Variants in CTNND2 observed in about 807,000 individuals in gnomAD.
CTNND2 encodes catenin delta-2.
Under a neutral mutation model 144.4 loss-of-function variants are expected in CTNND2, and 22 were observed. The observed-to-expected ratio is 0.15, with a 90% CI of 0.11 to 0.22. The LOEUF is 0.22. Ranked by LOEUF, CTNND2 falls within the 10% of genes least tolerant of loss-of-function variation. The pLI is 1.00. For synonymous variants in CTNND2, 751 were observed against 695.6 expected (o/e 1.08, Z -1.25); for missense variants, 1,353 against 1,618.8 (o/e 0.84, Z 2.82).
chr5:11,841,444 T>C (rs1794468077), intron 1 of CTNND2, among the ~76,000 whole-genome samples: 1 of 152,228 alleles, frequency 6.6e-6, no homozygotes, highest in Non-Finnish European at 1.5e-5. Context: ...TGATTAAGTC[T>C]GTAAAAAATG....
rs1443593316 is a variant in CTNND2, at chr5:11,623,115, CATGA to C, written c.175-58063_175-58060del. Among the ~76,000 whole-genome samples, 3 of 152,132 alleles carry C rather than the reference CATGA, an allele frequency of 2.0e-5. No homozygotes were observed. The East Asian group carries it at 5.8e-4, about 29-fold the overall frequency. ...GAAATAGTCCTTCCTCCATGTAGTA[CATGA>C]GACTTTCAGCCTCCAGACAGGCTCT... On this transcript the variant is annotated intron_variant, in intron 2 of 21. Coordinates refer to ENST00000304623, the MANE Select transcript of CTNND2 (RefSeq NM_001332.4).
intron 9 of CTNND2, among the ~76,000 whole-genome samples, chr5:11,246,893 G>C (rs1049494998): frequency 2.6e-5 from 4 of 152,126 alleles, no homozygotes; most frequent in Admixed American, 1.3e-4. Context: ...GAAGGTCACG[G>C]GGTGAAGAGA....
chr5:11,581,519 C>T (rs891193603), intron 2 of CTNND2, among the ~76,000 whole-genome samples: 5 of 152,188 alleles, frequency 3.3e-5, no homozygotes, highest in Admixed American at 1.3e-4. Flanking sequence ...ATGTCATCAA[C>T]ATACACAGAT....
chr5:11,408,872 T>C (rs974535837), intron 5 of CTNND2, among the ~76,000 whole-genome samples: 2 of 152,048 alleles, frequency 1.3e-5, no homozygotes, highest in Non-Finnish European at 2.9e-5. Flanking sequence ...AAAAATATCA[T>C]CTATTTATCC....
At chr5:11,478,794 C>T (rs1225895098) in intron 3 of CTNND2, among the ~76,000 whole-genome samples, 1 of 151,918 alleles carries the variant, frequency 6.6e-6, no homozygotes, top group East Asian at 1.9e-4. Flanking sequence ...AAGGCTTCAC[C>T]CAATCTGGTA....
At chr5:11,085,816 C>T (rs912490029) in intron 15 of CTNND2, among the ~76,000 whole-genome samples, 1 of 152,154 alleles carries the variant, frequency 6.6e-6, no homozygotes, top group Non-Finnish European at 1.5e-5. Flanking sequence ...GACAAGCCCC[C>T]CTCCATGGAT....
chr5:11,419,806 C>G (rs926640920), intron 3 of CTNND2, among the ~76,000 whole-genome samples: 8 of 152,144 alleles, frequency 5.3e-5, no homozygotes, highest in Non-Finnish European at 8.8e-5. Context: ...AGAGATATTC[C>G]ATCTGTTATG....
intron 3 of CTNND2, among the ~76,000 whole-genome samples, chr5:11,512,911 T>C (rs1387857639): frequency 1.3e-5 from 2 of 152,184 alleles, no homozygotes; most frequent in Non-Finnish European, 2.9e-5. Flanking sequence ...CAAGTATACA[T>C]GTTCAAGTTA....
At chr5:11,291,648 A>T (rs1307536265) in intron 9 of CTNND2, among the ~76,000 whole-genome samples, 1 of 152,112 alleles carries the variant, frequency 6.6e-6, no homozygotes, top group Non-Finnish European at 1.5e-5. Flanking sequence ...CTATCTCCCC[A>T]GATTCTCCTG....
rs532930848 is a variant in CTNND2 at position 11,577,482 on chromosome 5, G to A, written c.175-12426C>T. Among the ~76,000 whole-genome samples the A allele has an allele frequency of 4.6e-5, 7 of 152,304 alleles. No individual in the cohort carries two copies. The South Asian group carries it at 1.0e-3, about 23-fold the overall frequency. On this transcript the variant is annotated intron_variant, in intron 2 of 21. Coordinates refer to ENST00000304623, the MANE Select transcript of CTNND2 (RefSeq NM_001332.4). ...AGGGTGTGGGGACAAGGAGGGCAAC[G>A]TCACATGCAGGAACTAGTATTTGAG...
At position 11,071,743 on chromosome 5, in the gene CTNND2, G is replaced by A. The variant is rs79364754; in HGVS notation, c.2788+10953C>T. On this transcript the variant is annotated intron_variant, in intron 16 of 21. Transcript: ENST00000304623. Reference sequence around the variant, plus strand: ...GAGGGCAGGAACCCCCACAGAGTGCGCGTGTGTCCTGGGCTTGTCATGCTA... The same window carrying A: ...GAGGGCAGGAACCCCCACAGAGTGCACGTGTGTCCTGGGCTTGTCATGCTA... Among the ~76,000 whole-genome samples, 533 of 152,178 alleles carry A rather than the reference G, an allele frequency of 3.5e-3. 6 individuals are homozygous for A. The highest frequency in any genetic ancestry group is 0.012 in the African/African-American group (511 of 41,498).
intron 9 of CTNND2, among the ~76,000 whole-genome samples, chr5:11,265,450 T>C (rs1464063299): frequency 1.3e-5 from 2 of 152,144 alleles, no homozygotes; most frequent in Non-Finnish European, 2.9e-5. Context: ...GCCCTTCTTT[T>C]GCAGGATGGT....
At chr5:11,178,762 A>T (rs573170761) in intron 11 of CTNND2, among the ~76,000 whole-genome samples, 11 of 152,214 alleles carry the variant, frequency 7.2e-5, no homozygotes, top group Non-Finnish European at 1.5e-4. Context: ...GGGCACTCAC[A>T]ACATTGAATC....
At chr5:11,476,801 C>A (rs1458308617) in intron 3 of CTNND2, among the ~76,000 whole-genome samples, 1 of 152,152 alleles carries the variant, frequency 6.6e-6, no homozygotes, top group African/African-American at 2.4e-5. Flanking sequence ...AAAAATAATA[C>A]TTGACAGCGG....
intron 1 of CTNND2, among the ~76,000 whole-genome samples, chr5:11,871,388 T>C (rs2127050339): frequency 6.6e-6 from 1 of 152,254 alleles, no homozygotes; most frequent in East Asian, 1.9e-4. Flanking sequence ...ATAAAAACAG[T>C]CCCTGTCTAA....
intron 11 of CTNND2, among the ~76,000 whole-genome samples, chr5:11,174,205 C>G (rs1421740658): frequency 6.6e-6 from 1 of 152,138 alleles, no homozygotes; most frequent in African/African-American, 2.4e-5. Flanking sequence ...AATCAGACAT[C>G]ACTATCAAGA....
intron 1 of CTNND2, among the ~76,000 whole-genome samples, chr5:11,781,702 C>T (rs767439756): frequency 7.2e-5 from 11 of 152,142 alleles, no homozygotes; most frequent in Admixed American, 3.3e-4. Flanking sequence ...CAACTCTGAA[C>T]CAGGTAAAAT....
rs970029579 is a variant in CTNND2 at position 11,155,626 on chromosome 5, C to T, written c.2159+3950G>A. ...CCTTCTGATCACCCACAGCTCTAAC[C>T]CCCGCAACCCCACCTCCCCATGCCG... On this transcript the variant is annotated intron_variant, in intron 12 of 21. Transcript: ENST00000304623. Among the ~76,000 whole-genome samples the T allele has an allele frequency of 8.5e-5, 13 of 152,130 alleles. No individual in the cohort carries two copies. The East Asian group carries it at 2.3e-3, about 27-fold the overall frequency.
rs1365999546 is a variant in CTNND2, at chr5:11,116,852, G to A, written c.2277+598C>T. On this transcript the variant is annotated intron_variant, in intron 13 of 21. Transcript: ENST00000304623. ...GTGGGCGGATCACTTGAGGTCAGGT[G>A]TTTGAGACCAGCCTGGCCAATGTGG... Among the ~76,000 whole-genome samples the A allele has an allele frequency of 2.0e-5, 3 of 152,244 alleles. No individual in the cohort carries two copies. The East Asian group carries it at 5.8e-4, about 29-fold the overall frequency.
Sources: gnomAD v4.1 joint callset for allele counts (sites outside exome capture counted in the v4.1 genomes callset) on GRCh38, gnomAD v4.1.1 for gene constraint, MANE v1.5 for transcripts, NCBI Gene and HGNC (gene_info 2026-07-23, HGNC 2026-07-21) for gene names.